The following TRAIP variants were observed in gnomAD, a reference collection of about 807,000 sequenced individuals.
TRAIP encodes E3 ubiquitin-protein ligase TRAIP.
TRAIP carries 37 observed loss-of-function variants against 65.0 expected under a neutral mutation model. That is an observed-to-expected ratio of 0.57 (90% CI 0.44 to 0.75). The LOEUF (loss-of-function observed/expected upper bound fraction) is 0.75, where lower values mean the gene tolerates loss of function less well. Among genes scored for constraint, TRAIP ranks in the 30% least tolerant of loss-of-function variants. TRAIP has a pLI of 0.00. For missense variants in TRAIP, 481 were observed against 579.4 expected (o/e 0.83, Z 1.74); for synonymous variants, 187 against 219.1 (o/e 0.85, Z 1.29).
At chr3:49,850,802 A>G (rs2081923923) in intron 1 of TRAIP, among the ~76,000 whole-genome samples, 1 of 150,830 alleles carries the variant, frequency 6.6e-6, no homozygotes, top group Non-Finnish European at 1.5e-5. Flanking sequence ...TTACGGGTGC[A>G]CGCCACCATG....
At chr3:49,838,187 C>G (rs563813190) in intron 10 of TRAIP, among the ~76,000 whole-genome samples, 41 of 152,256 alleles carry the variant, frequency 2.7e-4, no homozygotes, top group Admixed American at 1.0e-3. Context: ...AATATTTATG[C>G]CCAGAAAAAT....
intron 10 of TRAIP, among the ~76,000 whole-genome samples, chr3:49,837,644 C>A (rs537570517): frequency 6.6e-6 from 1 of 152,060 alleles, no homozygotes; most frequent in South Asian, 2.1e-4. Context: ...TGCAGTGGCA[C>A]GATCTCGGCT....
chr3:49,840,488 G>T, intron 8 of TRAIP, 115 bp from the exon 9 acceptor site: 2 of 819,698 alleles, frequency 2.4e-6, no homozygotes, highest in East Asian at 2.6e-5. Flanking sequence ...AGAGATATGG[G>T]CAGAGATCCC....
At chr3:49,841,487 G>A (rs1169008722) in intron 7 of TRAIP, among the ~76,000 whole-genome samples, 1 of 152,216 alleles carries the variant, frequency 6.6e-6, no homozygotes, top group Admixed American at 6.5e-5. Flanking sequence ...GTGCTAATGG[G>A]GAACAGGCTC....
intron 10 of TRAIP, among the ~76,000 whole-genome samples, chr3:49,832,398 G>A (rs1164067709): frequency 6.6e-6 from 1 of 150,944 alleles, no homozygotes; most frequent in Non-Finnish European, 1.5e-5. Flanking sequence ...GCTGAGGCAG[G>A]AGAATTGCTT....
At chr3:49,843,109 C>G (rs979976274) in intron 5 of TRAIP, 2 of 155,232 alleles carry the variant, frequency 1.3e-5, no homozygotes, top group African/African-American at 4.8e-5. Flanking sequence ...GCCCAGCCCC[C>G]AAGCAGGAAC....
At position 49,840,246 on chromosome 3, in the gene TRAIP, C is replaced by G. The variant is rs369452044; in HGVS notation, c.795+38G>C. The G allele has an allele frequency of 3.2e-6, 5 of 1,582,178 alleles. No homozygotes were observed. In the African/African-American group the frequency reaches 6.7e-5, roughly 21 times the overall value. On this transcript the variant is annotated intron_variant, in intron 9 of 14. Transcript: ENST00000331456. ...GCCCTGCTCTGGGAGGGCACACAAA[C>G]CACCCCTCATTCCTGTCAAGCCAGG...
chr3:49,831,823 A>G (rs1341930233), intron 11 of TRAIP, 93 bp downstream of exon 11: 2 of 1,371,222 alleles, frequency 1.5e-6, no homozygotes, highest in South Asian at 1.9e-5. Flanking sequence ...TCACTGCCCC[A>G]TCAGCCACTC....
chr3:49,840,943 G>A (rs2081833611), intron 8 of TRAIP, 42 bp downstream of exon 8: 1 of 1,580,844 alleles, frequency 6.3e-7, no homozygotes, highest in Non-Finnish European at 8.7e-7. Flanking sequence ...ATGACAAAAG[G>A]AGAGCCACTT....
chr3:49,845,416 T>G (rs536619878), intron 3 of TRAIP, among the ~76,000 whole-genome samples: 3 of 152,382 alleles, frequency 2.0e-5, no homozygotes, highest in East Asian at 3.9e-4. Context: ...CAAACCTTAC[T>G]GTAGATCACT....
intron 1 of TRAIP, among the ~76,000 whole-genome samples, chr3:49,849,589 C>T (rs1170016411): frequency 3.3e-5 from 5 of 151,890 alleles, no homozygotes; most frequent in Admixed American, 3.3e-4. Flanking sequence ...TGTGCCACTA[C>T]ACTCCAGCCT....
chr3:49,845,688 A>C (rs2081876309), intron 3 of TRAIP, among the ~76,000 whole-genome samples: 1 of 151,988 alleles, frequency 6.6e-6, no homozygotes, highest in South Asian at 2.1e-4. Flanking sequence ...CTTCTTCCAC[A>C]CTCCAGCAGG....
chr3:49,843,565 C>A (rs1031569233), intron 5 of TRAIP: 3 of 454,744 alleles, frequency 6.6e-6, no homozygotes, highest in African/African-American at 5.8e-5. Flanking sequence ...AAGGCCTTGA[C>A]TCTTCAAACT....
rs371907917 is a variant in TRAIP, at chr3:49,841,078, A to G, written c.618-6T>C. On this transcript the variant is annotated splice_region_variant and splice_polypyrimidine_tract_variant and intron_variant, in intron 7 of 14. Transcript: ENST00000331456. ...CTTTTAGATTCTCGTACTCTCTGCA[A>G]TGTGGCCATGGAAAGAGATGCCAGA... 2 of 1,613,636 alleles carry G rather than the reference A, an allele frequency of 1.2e-6. No individual in the cohort carries two copies. The highest frequency in any genetic ancestry group is 2.2e-5 in the East Asian group (1 of 44,896).
rs147562021 is a variant in TRAIP, at chr3:49,842,484, G to T, written c.472C>A (p.Arg158=). 1 of 1,613,958 alleles carries T rather than the reference G, an allele frequency of 6.2e-7. No homozygotes were observed. The highest frequency in any genetic ancestry group is 1.3e-5 in the African/African-American group (1 of 74,998). ...ETKQAQEEAR[R]LRSKMKTMEQ... ...ATGGTCTTCATCTTGCTCCTGAGCCGGCGGGCCTCCTCTTGTGCTTGTTTG... is the reference window on the plus strand; with the variant it reads ...ATGGTCTTCATCTTGCTCCTGAGCCTGCGGGCCTCCTCTTGTGCTTGTTTG... Residue 158 remains arginine, a synonymous_variant, in exon 6 of 15, where the codon CGG becomes AGG. Coordinates refer to ENST00000331456, the MANE Select transcript of TRAIP (RefSeq NM_005879.3).
At chr3:49,848,677 T>C (rs1180615143) in intron 1 of TRAIP, among the ~76,000 whole-genome samples, 1 of 152,100 alleles carries the variant, frequency 6.6e-6, no homozygotes, top group Admixed American at 6.5e-5. Flanking sequence ...AACAATAATC[T>C]ACTGTACATT....
chr3:49,833,002 C>T (rs1413120328), intron 10 of TRAIP, among the ~76,000 whole-genome samples: 2 of 152,130 alleles, frequency 1.3e-5, no homozygotes, highest in Non-Finnish European at 2.9e-5. Flanking sequence ...TTCTTCCTTT[C>T]CCTGTCCAGG....
At position 49,847,573 on chromosome 3, in the gene TRAIP, AAAG is replaced by A; in HGVS notation, c.189_191del (p.Phe64del). ...CATTCTCCTCCTCCTGGGCAAGATCAAAGAAGAGCTTATTGATAATGGTTCTTT... is the reference window on the plus strand; with the variant it reads ...CATTCTCCTCCTCCTGGGCAAGATCAAAGAGCTTATTGATAATGGTTCTTT... On this transcript the variant is annotated inframe_deletion, in exon 3 of 15. Coordinates refer to ENST00000331456, the MANE Select transcript of TRAIP (RefSeq NM_005879.3). The A allele has an allele frequency of 6.2e-7, 1 of 1,611,888 alleles. No homozygotes were observed.
chr3:49,852,053 A>C (rs972792660), intron 1 of TRAIP, among the ~76,000 whole-genome samples: 1 of 151,940 alleles, frequency 6.6e-6, no homozygotes, highest in South Asian at 2.1e-4. Flanking sequence ...CTATGAAAAC[A>C]AACCAGAAGA....
Sources: allele counts gnomAD v4.1 joint callset (sites outside exome capture counted in the v4.1 genomes callset), GRCh38; gene constraint gnomAD v4.1.1; transcripts MANE v1.5; gene names NCBI Gene and HGNC (gene_info 2026-07-23, HGNC 2026-07-21).